Variants in BACE2 observed in about 807,000 individuals in gnomAD.
BACE2 encodes the protein 56 kDa aspartic-like protease.
In BACE2, 17 loss-of-function variants were observed where a neutral mutation model predicts 46.2. That is an observed-to-expected ratio of 0.37 (90% CI 0.25 to 0.55). BACE2 has a LOEUF of 0.55. Among genes scored for constraint, BACE2 ranks in the 20% least tolerant of loss-of-function variants. The pLI is 0.82. For synonymous variants in BACE2, 277 were observed against 295.9 expected (o/e 0.94, Z 0.66); for missense variants, 595 against 698.1 (o/e 0.85, Z 1.66).
At chr21:41,229,247 A>T (rs1446512121) in intron 2 of BACE2, among the ~76,000 whole-genome samples, 1 of 152,224 alleles carries the variant, frequency 6.6e-6, no homozygotes, top group African/African-American at 2.4e-5. Context: ...GGCTCAGCAC[A>T]CAGGGGCAGA....
chr21:41,208,547 C>T (rs368181373), intron 1 of BACE2, among the ~76,000 whole-genome samples: 18 of 152,148 alleles, frequency 1.2e-4, no homozygotes, highest in African/African-American at 4.1e-4. Flanking sequence ...GGAGTCCATT[C>T]GAGGGAGGAG....
chr21:41,173,652 A>G (rs1172228161), intron 1 of BACE2, among the ~76,000 whole-genome samples: 3 of 152,152 alleles, frequency 2.0e-5, no homozygotes, highest in Non-Finnish European at 4.4e-5. Context: ...AGGCTGAGGC[A>G]GGAGAATTGC....
At chr21:41,224,220 T>C in intron 1 of BACE2, among the ~76,000 whole-genome samples, 1 of 142,176 alleles carries the variant, frequency 7.0e-6, no homozygotes, top group East Asian at 2.0e-4. Flanking sequence ...TTTTTTTTTT[T>C]TTTTTTTTTT....
At chr21:41,246,179 T>TC in intron 6 of BACE2, 116 bp downstream of exon 6, 2 of 593,314 alleles carry the variant, frequency 3.4e-6, no homozygotes, top group South Asian at 5.7e-5. Context: ...TTTCCAATTT[T>TC]CATATTGTGT....
In BACE2 at chr21:41,281,809, T is replaced by C. The variant is rs530974772; in HGVS notation, c.*6185T>C. The C allele has an allele frequency of 3.3e-5, 5 of 152,322 alleles. No individual in the cohort carries two copies. The highest frequency in any genetic ancestry group is 1.9e-4 in the East Asian group (1 of 5,188). The allele number at this position is 152,322 out of a possible 1,614,324, so 9.4% of individuals were successfully genotyped here. A position where few individuals can be genotyped will look rare whatever the true frequency, so the allele number is the denominator to read the frequency against. On this transcript the variant is annotated 3_prime_UTR_variant, in exon 9 of 9. Coordinates refer to ENST00000330333, the MANE Select transcript of BACE2 (RefSeq NM_012105.5). ...CTAGTGGTATAAAACGAGATTTTTT[T>C]CCCTCATTTTTCTCATTGTAGATGT...
intron 7 of BACE2, among the ~76,000 whole-genome samples, chr21:41,252,950 C>T (rs541676977): frequency 1.7e-4 from 26 of 152,284 alleles, no homozygotes; most frequent in African/African-American, 4.8e-4. Flanking sequence ...TTGAGTAACA[C>T]GCTCAGCACT....
At chr21:41,224,246 G>C (rs1391636461) in intron 1 of BACE2, among the ~76,000 whole-genome samples, 3 of 123,528 alleles carry the variant, frequency 2.4e-5, no homozygotes, top group African/African-American at 3.4e-5. Context: ...ATGGAGTATC[G>C]TTCTGTCACC....
At chr21:41,173,359 T>G (rs1280499939) in intron 1 of BACE2, among the ~76,000 whole-genome samples, 1 of 152,314 alleles carries the variant, frequency 6.6e-6, no homozygotes, top group Admixed American at 6.5e-5. Context: ...GCCCTGGGGC[T>G]TAGGGTGGGA....
intron 1 of BACE2, among the ~76,000 whole-genome samples, chr21:41,223,038 G>A (rs1366379468): frequency 1.3e-5 from 2 of 152,134 alleles, no homozygotes; most frequent in Non-Finnish European, 2.9e-5. Context: ...CTGTAACTAA[G>A]TACACAAACT....
intron 8 of BACE2, among the ~76,000 whole-genome samples, chr21:41,272,483 T>TC (rs2088443676): frequency 6.6e-6 from 1 of 151,876 alleles, no homozygotes; most frequent in African/African-American, 2.4e-5. Context: ...TCTCTCTCTC[T>TC]TTTTTTTCAG....
chr21:41,266,946 TTGTGTGTGTGTGTGTGTG>T (rs10527457), intron 8 of BACE2, among the ~76,000 whole-genome samples: 1 of 148,268 alleles, frequency 6.7e-6, no homozygotes. Context: ...CTCACAGTGT[TTGTGTGTGTGTGTGTGTG>T]TGTGTGTGTG....
Position 41,237,526 on chromosome 21 carries a change from C to T in BACE2, c.415C>T (p.Arg139Cys), listed in dbSNP as rs766433535. The change falls in exon 3 of 9, where the codon CGC becomes TGC. Residue 139 changes from arginine (R) to cysteine (C), a missense_variant. By Grantham distance (180) the Arg-to-Cys change is radical. This residue lies in a region of BACE2 where 248 missense variants were observed against 261.4 expected (regional missense o/e 0.95). Coordinates refer to ENST00000330333, the MANE Select transcript of BACE2 (RefSeq NM_012105.5). ...TTCTTTCTCCAGGTCTAGCACATAC[C>T]GCTCCAAGGGCTTTGACGTCACAGT... ...YFDTERSSTY[R>C]SKGFDVTVKY... 1.5e-5 allele frequency: 25 copies of T among 1,613,700 alleles called. No homozygotes were observed. Among genetic ancestry groups the T allele is most frequent in the Admixed American group, 3.3e-5 (2 of 59,990 alleles).
At chr21:41,265,813 T>A (rs1988053344) in intron 8 of BACE2, among the ~76,000 whole-genome samples, 1 of 152,210 alleles carries the variant, frequency 6.6e-6, no homozygotes. Context: ...ATTTAAATAG[T>A]TTGATATTTT....
intron 1 of BACE2, among the ~76,000 whole-genome samples, chr21:41,205,066 T>C (rs139174483): frequency 7.2e-5 from 11 of 152,332 alleles, no homozygotes; most frequent in Admixed American, 1.3e-4. Context: ...ACAATGGTTT[T>C]TCTGTGTTGC....
At chr21:41,168,793 G>A (rs889117446) in intron 1 of BACE2, among the ~76,000 whole-genome samples, 11 of 152,112 alleles carry the variant, frequency 7.2e-5, no homozygotes, top group African/African-American at 2.7e-4. Context: ...GCACTGAGGG[G>A]TGTGCGCGAG....
intron 1 of BACE2, chr21:41,186,582 C>T (rs556427094): frequency 6.6e-6 from 1 of 152,560 alleles, no homozygotes; most frequent in East Asian, 1.9e-4. Flanking sequence ...CTGTCCTTGT[C>T]CCTTTGCTGG....
At chr21:41,174,216 C>T (rs1029143639) in intron 1 of BACE2, among the ~76,000 whole-genome samples, 1 of 139,960 alleles carries the variant, frequency 7.1e-6, no homozygotes, top group Admixed American at 7.6e-5. Context: ...GATCTTGGCT[C>T]ACTGCAACCT....
At chr21:41,197,266 G>GTT (rs57910664) in intron 1 of BACE2, among the ~76,000 whole-genome samples, 3,272 of 144,312 alleles carry the variant, frequency 0.023, 53 homozygotes, top group Non-Finnish European at 0.036. Flanking sequence ...AGCCAGCCAG[G>GTT]TTTTTTTTGT....
intron 7 of BACE2, among the ~76,000 whole-genome samples, chr21:41,256,784 C>T (rs941240126): frequency 8.5e-5 from 13 of 152,164 alleles, no homozygotes; most frequent in South Asian, 6.2e-4. Context: ...ACATGTTCTC[C>T]GGACCTCCTG....
Sources: gnomAD v4.1 joint callset for allele counts (sites outside exome capture counted in the v4.1 genomes callset) on GRCh38, gnomAD v4.1.1 for gene constraint, gnomAD v4.1.1 regional missense constraint, MANE v1.5 for transcripts, NCBI Gene and HGNC (gene_info 2026-07-23, HGNC 2026-07-21) for gene names.